Variants in MACF1 observed in about 807,000 individuals in gnomAD.
MACF1 encodes microtubule actin crosslinking factor 1.
Under a neutral mutation model 854.8 loss-of-function variants are expected in MACF1, and 193 were observed. That is an observed-to-expected ratio of 0.23 (90% CI 0.20 to 0.25). MACF1 has a LOEUF of 0.25. MACF1 is among the 10% of genes least tolerant of loss of function. The pLI is 1.00. For synonymous variants in MACF1, 3,185 were observed against 3,226.7 expected (o/e 0.99, Z 0.44); for missense variants, 7,722 against 8,929.1 (o/e 0.86, Z 5.45).
At chr1:39,436,497 T>C (rs1383095461) in intron 70 of MACF1, 2 of 1,613,828 alleles carry the variant, frequency 1.2e-6, no homozygotes. Context: ...AGAGGTAAGG[T>C]ACCCATCCCC....
Position 39,110,252 on chromosome 1 carries a change from T to TG in MACF1, c.220+25815dup, listed in dbSNP as rs1384080864. On this transcript the variant is annotated intron_variant, in intron 2 of 93. Transcript: ENST00000361689. ...GTTCTTTTTTTTTTTTTTTTTTTTT[T>TG]GAGACAGGGTCTTGCTTTGTTGCCC... Among the ~76,000 whole-genome samples, 14 of 148,472 alleles carry TG rather than the reference T, an allele frequency of 9.4e-5. No homozygotes were observed. The East Asian group carries it at 2.0e-3, about 21-fold the overall frequency.
At chr1:39,384,243 C>T (rs1180765676) in intron 56 of MACF1, among the ~76,000 whole-genome samples, 2 of 152,092 alleles carry the variant, frequency 1.3e-5, no homozygotes, top group Non-Finnish European at 2.9e-5. Context: ...CTATTCCATG[C>T]TTTCACAGTT....
intron 2 of MACF1, among the ~76,000 whole-genome samples, chr1:39,175,508 TA>T (rs1281175039): frequency 2.0e-5 from 3 of 152,204 alleles, no homozygotes; most frequent in Non-Finnish European, 4.4e-5. Context: ...CACTTTGGTG[TA>T]AAACCTCATT....
At chr1:39,411,383 A>C in intron 58 of MACF1, 2 of 1,614,036 alleles carry the variant, frequency 1.2e-6, no homozygotes, top group Non-Finnish European at 1.7e-6. Flanking sequence ...GCAGTGGTGG[A>C]GGATGGATCC....
chr1:39,310,467 G>A, intron 25 of MACF1, 39 bp downstream of exon 25: 1 of 1,582,362 alleles, frequency 6.3e-7, no homozygotes, highest in Non-Finnish European at 8.6e-7. Flanking sequence ...ATAGTAGAAT[G>A]AGAGCCTTTC....
intron 46 of MACF1, 74 bp downstream of exon 46, chr1:39,358,947 C>G: frequency 6.7e-7 from 1 of 1,502,906 alleles, no homozygotes; most frequent in Non-Finnish European, 9.0e-7. Context: ...CAAAATAAAG[C>G]AAATGCTTAC....
At chr1:39,380,882 A>C (rs1650124336) in intron 55 of MACF1, among the ~76,000 whole-genome samples, 1 of 152,140 alleles carries the variant, frequency 6.6e-6, no homozygotes, top group Non-Finnish European at 1.5e-5. Flanking sequence ...ACTGAACTCC[A>C]ACCTGGGCAA....
chr1:39,357,656 C>G lies in MACF1; in HGVS notation c.11706C>G (p.Asn3902Lys), dbSNP rs756427721. ...WLERSEKELE[N>K]MHKGGSSPET... ...AACGATCCGAGAAAGAGCTGGAGAA[C>G]ATGCATAAGGGAGGCAGCAGCCCCG... The change falls in exon 45 of 101, where the codon AAC becomes AAG. Residue 3902 changes from asparagine (N) to lysine (K), a missense_variant. Asn to Lys is a moderately conservative substitution (Grantham distance 94, BLOSUM62 0). This residue lies in a region of MACF1 where 2,807 missense variants were observed against 3,235.8 expected (regional missense o/e 0.87). Transcript: ENST00000564288. 6.2e-7 allele frequency: 1 copy of G among 1,614,156 alleles called. No homozygotes were observed. The highest frequency in any genetic ancestry group is 8.5e-7 in the Non-Finnish European group (1 of 1,180,038).
rs769749735 is a variant in MACF1 at position 39,332,861 on chromosome 1, C to T, written c.6273C>T (p.Asn2091=). Residue 2091 remains asparagine, a synonymous_variant, in exon 37 of 101, where the codon AAC becomes AAT. Coordinates refer to ENST00000564288, the MANE Select transcript of MACF1 (RefSeq NM_001394062.1). ...LFVEQKERNP[N]IDALKVINKV... ...TAGAACAAAAAGAGAGAAATCCAAACATTGATGCTTTGAAGGTAATAAATA... is the reference window on the plus strand; with the variant it reads ...TAGAACAAAAAGAGAGAAATCCAAATATTGATGCTTTGAAGGTAATAAATA... 2.5e-6 allele frequency: 4 copies of T among 1,614,140 alleles called. No homozygotes were observed. Among genetic ancestry groups the T allele is most frequent in the Admixed American group, 1.7e-5 (1 of 60,010 alleles).
chr1:39,310,249 G>T lies in MACF1; in HGVS notation c.2921G>T (p.Arg974Leu). The change falls in exon 25 of 101, where the codon CGA becomes CTA. Residue 974 changes from arginine (R) to leucine (L), a missense_variant. Around this residue, in one of 15 missense-constraint regions of MACF1, gnomAD observed 1,137 missense variants for 1,263.0 expected, o/e 0.90. Coordinates refer to ENST00000564288, the MANE Select transcript of MACF1 (RefSeq NM_001394062.1). ...CTTCTGGCTTTTTCTTTCTAGCTTC[G>T]ATCCTCAGCACCAGGGGAGTGCCAT... ...LVQTWNLEKL[R>L]SSAPGECHQI... 6.2e-7 allele frequency: 1 copy of T among 1,604,130 alleles called. No individual in the cohort carries two copies. Among genetic ancestry groups the T allele is most frequent in the Non-Finnish European group, 8.5e-7 (1 of 1,176,942 alleles).
chr1:39,253,509 A>ATT (rs34578005), intron 4 of MACF1, among the ~76,000 whole-genome samples: 9,197 of 91,432 alleles, frequency 0.1, 1,164 homozygotes, highest in Non-Finnish European at 0.13. Context: ...AGCTATCTGT[A>ATT]TTTTTTTTTT....
At chr1:39,234,726 G>A (rs1485739708) in intron 2 of MACF1, among the ~76,000 whole-genome samples, 3 of 136,544 alleles carry the variant, frequency 2.2e-5, no homozygotes, top group Admixed American at 7.3e-5. Flanking sequence ...GCTGCCGGGC[G>A]GAGGGGCTCC....
intron 6 of MACF1, among the ~76,000 whole-genome samples, chr1:39,274,909 T>C (rs60801667): frequency 0.024 from 3,676 of 152,178 alleles, 110 homozygotes; most frequent in East Asian, 0.16. Context: ...TTAATATTAT[T>C]ACTTAAAAGA....
chr1:39,429,450 T>C, intron 64 of MACF1, 124 bp downstream of exon 64: 2 of 637,850 alleles, frequency 3.1e-6, no homozygotes, highest in East Asian at 2.6e-5. Context: ...TATTCACTGA[T>C]TGTATTCCCT....
chr1:39,414,144 C>A, intron 58 of MACF1: 1 of 1,609,432 alleles, frequency 6.2e-7, no homozygotes, highest in Non-Finnish European at 8.5e-7. Context: ...TAGAGGAGCC[C>A]GCCTCCCCAG....
chr1:39,241,659 C>CCAA (rs1644924513), intron 2 of MACF1, among the ~76,000 whole-genome samples: 1 of 51,506 alleles, frequency 1.9e-5, no homozygotes, highest in East Asian at 6.4e-4. Context: ...GACTCCATCT[C>CCAA]AAAAAAAAAA....
intron 21 of MACF1, among the ~76,000 whole-genome samples, chr1:39,298,162 G>A (rs1571292428): frequency 6.6e-6 from 1 of 150,934 alleles, no homozygotes; most frequent in South Asian, 2.1e-4. Context: ...CAACAACAAA[G>A]AAATACACCT....
intron 2 of MACF1, among the ~76,000 whole-genome samples, chr1:39,115,568 C>T (rs180827571): frequency 6.6e-6 from 1 of 152,190 alleles, no homozygotes; most frequent in East Asian, 1.9e-4. Flanking sequence ...GCGGTCGAGG[C>T]TTCTGAGGGA....
intron 79 of MACF1, 40 bp downstream of exon 79, chr1:39,443,614 A>G: frequency 6.4e-7 from 1 of 1,565,002 alleles, no homozygotes; most frequent in South Asian, 1.2e-5. Context: ...AGCATCCCAT[A>G]TTCACTAGCT....
Sources: allele counts gnomAD v4.1 joint callset (sites outside exome capture counted in the v4.1 genomes callset), GRCh38; gene constraint gnomAD v4.1.1; regional missense constraint gnomAD v4.1.1; transcripts MANE v1.5; gene names NCBI Gene and HGNC (gene_info 2026-07-23, HGNC 2026-07-21).